The following IQGAP2 variants were observed in gnomAD, a reference collection of about 807,000 sequenced individuals.
The protein encoded by IQGAP2 is ras GTPase-activating-like protein IQGAP2.
In IQGAP2, 173 loss-of-function variants were observed where a neutral mutation model predicts 201.3. That is an observed-to-expected ratio of 0.86 (90% CI 0.76 to 0.98). IQGAP2 has a LOEUF of 0.98. Among genes scored for constraint, IQGAP2 ranks in the 50% least tolerant of loss-of-function variants. IQGAP2 has a pLI of 0.00. For missense variants in IQGAP2, 1,687 were observed against 1,864.8 expected (o/e 0.90, Z 1.76); for synonymous variants, 675 against 673.9 (o/e 1.00, Z -0.03).
intron 16 of IQGAP2, 54 bp downstream of exon 16, chr5:76,637,230 G>T: frequency 7.2e-7 from 1 of 1,383,086 alleles, no homozygotes; most frequent in South Asian, 1.4e-5. Context: ...AAATTTGACT[G>T]GTTTTCTATT....
intron 2 of IQGAP2, among the ~76,000 whole-genome samples, chr5:76,537,487 AT>A (rs112627712): frequency 0.021 from 2,836 of 135,302 alleles, 53 homozygotes; most frequent in African/African-American, 0.065. Context: ...GTTCACAACT[AT>A]TTTTTTTTTT....
chr5:76,447,073 C>A (rs912492898), intron 1 of IQGAP2, among the ~76,000 whole-genome samples: 8 of 151,552 alleles, frequency 5.3e-5, no homozygotes, highest in African/African-American at 1.9e-4. Context: ...GGGCATAGCC[C>A]AATTCAGCAG....
At chr5:76,522,487 A>G (rs1758745810) in intron 2 of IQGAP2, among the ~76,000 whole-genome samples, 1 of 152,158 alleles carries the variant, frequency 6.6e-6, no homozygotes, top group Admixed American at 6.6e-5. Context: ...CTGGCCATTT[A>G]ACAGCTTAAG....
At chr5:76,649,103 A>G (rs1752312621) in intron 17 of IQGAP2, among the ~76,000 whole-genome samples, 1 of 152,244 alleles carries the variant, frequency 6.6e-6, no homozygotes, top group African/African-American at 2.4e-5. Flanking sequence ...CAAACTTCTG[A>G]AAACAAAAGA....
At chr5:76,488,292 A>C (rs78545122) in intron 2 of IQGAP2, among the ~76,000 whole-genome samples, 1 of 152,326 alleles carries the variant, frequency 6.6e-6, no homozygotes, top group Non-Finnish European at 1.5e-5. Context: ...AAAGTGTGAC[A>C]TTTGTCTGTG....
chr5:76,577,655 A>G (rs1038453205), intron 5 of IQGAP2, among the ~76,000 whole-genome samples: 3 of 152,202 alleles, frequency 2.0e-5, no homozygotes, highest in African/African-American at 4.8e-5. Context: ...TGTTCCTGCT[A>G]TGATTTAAAA....
intron 2 of IQGAP2, among the ~76,000 whole-genome samples, chr5:76,542,228 T>C (rs145914136): frequency 4.4e-4 from 67 of 152,344 alleles, no homozygotes; most frequent in African/African-American, 1.5e-3. Context: ...CCCAAAGTGT[T>C]GGGATTACAG....
At chr5:76,536,032 G>A (rs1247437852) in intron 2 of IQGAP2, among the ~76,000 whole-genome samples, 8 of 148,684 alleles carry the variant, frequency 5.4e-5, no homozygotes, top group Non-Finnish European at 8.9e-5. Flanking sequence ...CTCCTAGCAC[G>A]TACCCATTTA....
intron 22 of IQGAP2, among the ~76,000 whole-genome samples, chr5:76,665,783 CTTTGATGGATCACTTATTGT>C: frequency 6.6e-6 from 1 of 152,286 alleles, no homozygotes; most frequent in East Asian, 1.9e-4. Context: ...TATGGTTGGA[CTTTGATGGATCACTTATTGT>C]TTTGTTTGAC....
chr5:76,496,870 C>T (rs1342317656), intron 2 of IQGAP2, among the ~76,000 whole-genome samples: 1 of 151,080 alleles, frequency 6.6e-6, no homozygotes, highest in Non-Finnish European at 1.5e-5. Flanking sequence ...TGCTCTGTTG[C>T]CCAGGCTGCA....
At chr5:76,405,873 A>C (rs1433258166) in intron 1 of IQGAP2, among the ~76,000 whole-genome samples, 1 of 152,190 alleles carries the variant, frequency 6.6e-6, no homozygotes, top group Non-Finnish European at 1.5e-5. Context: ...GTTTCAGTAA[A>C]ACCTCAAATT....
rs535872912 is a variant in IQGAP2 at position 76,410,620 on chromosome 5, A to G, written c.46+7029A>G. Among the ~76,000 whole-genome samples the G allele has an allele frequency of 2.2e-4, 33 of 152,320 alleles. No individual in the cohort carries two copies. In the South Asian group the frequency reaches 5.8e-3, roughly 27 times the overall value. On this transcript the variant is annotated intron_variant, in intron 1 of 35. Coordinates refer to ENST00000274364, the MANE Select transcript of IQGAP2 (RefSeq NM_006633.5). ...GTTTTGCCGAGGATAGGTGAATTCA[A>G]TGAGAACAGGTAAGAAAATGAGTTG...
chr5:76,614,509 T>G (rs1165951816), intron 13 of IQGAP2, among the ~76,000 whole-genome samples: 1 of 152,208 alleles, frequency 6.6e-6, no homozygotes, highest in Non-Finnish European at 1.5e-5. Context: ...GTTCATTGAC[T>G]TTGAAACTTT....
chr5:76,510,786 T>G, intron 2 of IQGAP2: 1 of 455,466 alleles, frequency 2.2e-6, no homozygotes, highest in South Asian at 1.7e-5. Flanking sequence ...CCTTGGCACC[T>G]GCCCCCACCT....
At chr5:76,610,076 C>CTCTCTCTCTCTCTCTCTATATATA (rs1326468006) in intron 12 of IQGAP2, among the ~76,000 whole-genome samples, 1 of 18,708 alleles carries the variant, frequency 5.3e-5, no homozygotes, top group Admixed American at 1.2e-3. Flanking sequence ...CTCTCTCTCT[C>CTCTCTCTCTCTCTCTCTATATATA]TATATATATA....
rs561878576 is a variant in IQGAP2 at position 76,516,682 on chromosome 5, CTAGAGCAGAAAA to C, written c.147-45698_147-45687del. ...TGTCTAAAGAATTCTAGTGCTTTAA[CTAGAGCAGAAAA>C]TAGAGCAGAAAATAGCCACAGATGT... On this transcript the variant is annotated intron_variant, in intron 2 of 35. Transcript: ENST00000274364. Among the ~76,000 whole-genome samples, 11 of 152,068 alleles carry C rather than the reference CTAGAGCAGAAAA, an allele frequency of 7.2e-5. No individual in the cohort carries two copies. The South Asian group carries it at 8.3e-4, about 11-fold the overall frequency.
At chr5:76,548,171 T>C (rs1743208896) in intron 2 of IQGAP2, among the ~76,000 whole-genome samples, 1 of 152,222 alleles carries the variant, frequency 6.6e-6, no homozygotes, top group Non-Finnish European at 1.5e-5. Context: ...AGTTTTCTGA[T>C]AGAGGAAATT....
chr5:76,454,363 C>T (rs1310846150), intron 1 of IQGAP2, among the ~76,000 whole-genome samples: 1 of 151,586 alleles, frequency 6.6e-6, no homozygotes, highest in Non-Finnish European at 1.5e-5. Context: ...CATATGTATA[C>T]ATGTGCCACG....
chr5:76,503,077 G>A lies in IQGAP2; in HGVS notation c.146+41408G>A, dbSNP rs551647501. ...TATTTTCTTATGATAGGTTACTCCT[G>A]GAAGCAATAAATATGATGTAAAGCT... On this transcript the variant is annotated intron_variant, in intron 2 of 35. Transcript: ENST00000274364. Among the ~76,000 whole-genome samples, 49 of 151,708 alleles carry A rather than the reference G, an allele frequency of 3.2e-4. 1 individual carries two copies. In the South Asian group the frequency reaches 5.0e-3, roughly 15 times the overall value.
Sources: gnomAD v4.1 joint callset for allele counts (sites outside exome capture counted in the v4.1 genomes callset) on GRCh38, gnomAD v4.1.1 for gene constraint, MANE v1.5 for transcripts, NCBI Gene and HGNC (gene_info 2026-07-23, HGNC 2026-07-21) for gene names.